CACNA1C: variants seen among roughly 807,000 people sequenced by gnomAD.
CACNA1C encodes calcium voltage-gated channel subunit alpha1 C, also known as voltage-dependent L-type calcium channel subunit alpha-1C.
In CACNA1C, 30 loss-of-function variants were observed where a neutral mutation model predicts 229.0. The ratio of observed to expected loss-of-function variants is 0.13; its 90% CI spans 0.10 to 0.18. The LOEUF is 0.18. Among genes scored for constraint, CACNA1C ranks in the 10% least tolerant of loss-of-function variants. CACNA1C has a pLI of 1.00. For synonymous variants in CACNA1C, 1,114 were observed against 1,132.5 expected (o/e 0.98, Z 0.33); for missense variants, 1,658 against 2,845.0 (o/e 0.58, Z 9.49).
chr12:2,474,858 C>T (rs1055982487), intron 5 of CACNA1C, among the ~76,000 whole-genome samples: 1 of 151,994 alleles, frequency 6.6e-6, no homozygotes, highest in Non-Finnish European at 1.5e-5. Flanking sequence ...ACTGTCCTGC[C>T]GAGGACAATT....
chr12:2,328,181 C>G (rs115200886), intron 3 of CACNA1C, among the ~76,000 whole-genome samples: 2 of 152,170 alleles, frequency 1.3e-5, no homozygotes, highest in South Asian at 4.1e-4. Context: ...CTCTTGCCCC[C>G]CAAATGATCC....
intron 1 of CACNA1C, among the ~76,000 whole-genome samples, chr12:1,973,552 T>C (rs1343116945): frequency 2.6e-5 from 4 of 152,232 alleles, no homozygotes; most frequent in Non-Finnish European, 5.9e-5. Flanking sequence ...GGATTCATGT[T>C]ATATCATTCA....
At chr12:2,065,597 A>G (rs1248202951) in intron 1 of CACNA1C, among the ~76,000 whole-genome samples, 1 of 152,214 alleles carries the variant, frequency 6.6e-6, no homozygotes, top group African/African-American at 2.4e-5. Flanking sequence ...AGACACACAG[A>G]CATCCGCAAC....
At chr12:2,645,698 A>G (rs2094279660) in intron 30 of CACNA1C, among the ~76,000 whole-genome samples, 1 of 152,162 alleles carries the variant, frequency 6.6e-6, no homozygotes, top group African/African-American at 2.4e-5. Context: ...TATTGTTACC[A>G]TGTAGAAATC....
At chr12:1,997,980 A>C (rs1347847940) in intron 1 of CACNA1C, 1 of 1,607,998 alleles carries the variant, frequency 6.2e-7, no homozygotes, top group South Asian at 1.1e-5. Context: ...TTTCTCCTAA[A>C]CAATAAAAAC....
intron 3 of CACNA1C, among the ~76,000 whole-genome samples, chr12:2,182,442 G>T (rs942085054): frequency 6.6e-6 from 1 of 151,598 alleles, no homozygotes; most frequent in African/African-American, 2.4e-5. Context: ...ACCTTAAATC[G>T]AAATCCACTC....
At position 2,501,209 on chromosome 12, in the gene CACNA1C, C is replaced by CAAAAAAAAAAAAAA. The variant is rs59324696; in HGVS notation, c.1114-3621_1114-3608dup. Among the ~76,000 whole-genome samples, 15 of 31,364 alleles carry CAAAAAAAAAAAAAA rather than the reference C, an allele frequency of 4.8e-4. 2 individuals carry two copies. Among genetic ancestry groups the CAAAAAAAAAAAAAA allele is most frequent in the African/African-American group, 1.4e-3 (8 of 5,882 alleles). 20.6% of individuals were successfully genotyped at this position (31,364 alleles called of 152,430 possible). On this transcript the variant is annotated intron_variant, in intron 7 of 46. Coordinates refer to ENST00000399655, the MANE Select transcript of CACNA1C (RefSeq NM_000719.7). ...TGGGCGACAGAGTGAGACTCCACCTCAAAAAAAAAAAAAAAAAAAAAAAAA... is the reference window on the plus strand; with the variant it reads ...TGGGCGACAGAGTGAGACTCCACCTCAAAAAAAAAAAAAAAAAAAAAAAAAAAAAAAAAAAAAAA...
intron 3 of CACNA1C, among the ~76,000 whole-genome samples, chr12:2,356,857 T>C (rs1355232612): frequency 6.6e-6 from 1 of 152,172 alleles, no homozygotes; most frequent in East Asian, 1.9e-4. Flanking sequence ...ATGAGGCCGC[T>C]GGGGCACAGA....
Position 2,053,148 on chromosome 12 carries a change from C to T in CACNA1C, c.-415C>T. 4.0e-6 allele frequency: 4 copies of T among 987,970 alleles called. No individual in the cohort carries two copies. Among genetic ancestry groups the T allele is most frequent in the Non-Finnish European group, 4.8e-6 (4 of 831,894 alleles). 61.2% of individuals were successfully genotyped at this position (987,970 alleles called of 1,614,324 possible). ...GCCGGGCAGGGGCCTCAGGAGGACT[C>T]GCTGGGAGTGGGCAGAGGCGCCTCG... On this transcript the variant is annotated 5_prime_UTR_variant, in exon 1 of 47. Coordinates refer to ENST00000399655, the MANE Select transcript of CACNA1C (RefSeq NM_000719.7). This position sits in a 1 kb window ranked among gnomAD's most constrained non-coding sequence, Gnocchi z 5.8.
At position 2,066,570 on chromosome 12, in the gene CACNA1C, G is replaced by A. The variant is rs116753014; in HGVS notation, c.49+12959G>A. Among the ~76,000 whole-genome samples the A allele has an allele frequency of 8.0e-3, 1,215 of 152,238 alleles. 19 individuals carry two copies. The highest frequency in any genetic ancestry group is 0.028 in the African/African-American group (1,160 of 41,526). ...GGTTCAGAGTGACTGTTGTCCCGCC[G>A]AACTGTGCAATGATGAGGCGTGGTG... On this transcript the variant is annotated intron_variant, in intron 1 of 46. Coordinates refer to ENST00000399655, the MANE Select transcript of CACNA1C (RefSeq NM_000719.7).
At chr12:2,496,217 C>T (rs1170047589) in intron 7 of CACNA1C, among the ~76,000 whole-genome samples, 1 of 152,160 alleles carries the variant, frequency 6.6e-6, no homozygotes, top group East Asian at 1.9e-4. Flanking sequence ...GGAAATCTAA[C>T]CTGTTGAACC....
intron 3 of CACNA1C, among the ~76,000 whole-genome samples, chr12:2,199,932 C>T (rs774472464): frequency 6.6e-6 from 1 of 152,218 alleles, no homozygotes; most frequent in Non-Finnish European, 1.5e-5. Context: ...CAGCTCCTCA[C>T]TCCCAGGAAT....
chr12:2,533,792 C>T (rs953734416), intron 9 of CACNA1C, among the ~76,000 whole-genome samples: 5 of 152,144 alleles, frequency 3.3e-5, no homozygotes, highest in South Asian at 2.1e-4. Flanking sequence ...GTCCCTGTCC[C>T]GGTTCTGCTC....
chr12:2,556,885 T>A lies in CACNA1C; in HGVS notation c.1482-66T>A, dbSNP rs140192141. The A allele has an allele frequency of 8.8e-6, 12 of 1,362,872 alleles. No homozygotes were observed. The East Asian group carries it at 2.5e-4, about 29-fold the overall frequency. The allele number at this position is 1,362,872 out of a possible 1,614,324, so 84.4% of individuals were successfully genotyped here. On this transcript the variant is annotated intron_variant, in intron 10 of 46. Transcript: ENST00000399655. Reference sequence around the variant, plus strand: ...GGGGAACATCAAATTTCCCTGGGACTGTTGACCGTCTTTTAAATGCACGTG... The same window carrying A: ...GGGGAACATCAAATTTCCCTGGGACAGTTGACCGTCTTTTAAATGCACGTG...
chr12:2,386,696 G>T (rs1049433744), intron 3 of CACNA1C, among the ~76,000 whole-genome samples: 1 of 152,190 alleles, frequency 6.6e-6, no homozygotes, highest in Non-Finnish European at 1.5e-5. Context: ...ATTTTATGGT[G>T]CTTTCTGATT....
chr12:2,379,828 G>A (rs1594723769), intron 3 of CACNA1C, among the ~76,000 whole-genome samples: 1 of 151,414 alleles, frequency 6.6e-6, no homozygotes, highest in Non-Finnish European at 1.5e-5. Flanking sequence ...TCAGGAGATC[G>A]AGACCATCCC....
chr12:2,304,077 A>G (rs1326981660), intron 3 of CACNA1C, among the ~76,000 whole-genome samples: 1 of 152,096 alleles, frequency 6.6e-6, no homozygotes, highest in Non-Finnish European at 1.5e-5. Flanking sequence ...GTGCCCCAGG[A>G]GATACTTGGG....
At position 2,677,234 on chromosome 12, in the gene CACNA1C, G is replaced by A. The variant is rs199753929; in HGVS notation, c.4956+13G>A. 28 of 1,612,700 alleles carry A rather than the reference G, an allele frequency of 1.7e-5. No individual in the cohort carries two copies. Among genetic ancestry groups the A allele is most frequent in the Admixed American group, 5.0e-5 (3 of 59,932 alleles). On this transcript the variant is annotated intron_variant, in intron 40 of 46. Transcript: ENST00000399655. The surrounding 1 kb of genome is among the most constrained non-coding windows in gnomAD (Gnocchi z 7.4). ...GCTGTCTCTGCAGGTGAGGGCCTGG[G>A]GGCGGGCCCACACTCCAGGAAGGTC... is the stretch of plus-strand genomic sequence containing the variant.
intron 11 of CACNA1C, among the ~76,000 whole-genome samples, chr12:2,560,603 G>T (rs1213080881): frequency 6.6e-6 from 1 of 152,132 alleles, no homozygotes; most frequent in Non-Finnish European, 1.5e-5. Flanking sequence ...TACACAAGTT[G>T]GAGTTTCTGG....
Sources: gnomAD v4.1 joint callset for allele counts (sites outside exome capture counted in the v4.1 genomes callset) on GRCh38, gnomAD v4.1.1 for gene constraint, Gnocchi (gnomAD v3.1) non-coding constraint, MANE v1.5 for transcripts, NCBI Gene and HGNC (gene_info 2026-07-23, HGNC 2026-07-21) for gene names.